Variants in PTCHD4 observed in about 807,000 individuals in gnomAD.
PTCHD4 encodes the protein patched domain containing 4.
Under a neutral mutation model 58.1 loss-of-function variants are expected in PTCHD4, and 33 were observed. The observed-to-expected ratio is 0.57, with a 90% confidence interval of 0.43 to 0.76. The LOEUF is 0.76. Ranked by LOEUF, PTCHD4 falls within the 30% of genes least tolerant of loss-of-function variation. The pLI is 0.00. For missense variants in PTCHD4, 1,058 were observed against 1,027.1 expected, an observed-to-expected ratio of 1.03 and a Z score of -0.41; for synonymous variants, 478 against 409.6, an observed-to-expected ratio of 1.17 and a Z score of -2.02.
At chr6:48,006,872 C>T (rs1372202078) in intron 4 of PTCHD4, among the ~76,000 whole-genome samples, 2 of 152,202 alleles carry the variant, frequency 1.3e-5, no homozygotes, top group Admixed American at 6.5e-5. Context: ...TATACTGTTA[C>T]ATTTTTCAAA....
At chr6:48,009,285 G>A (rs1328414933) in intron 3 of PTCHD4, among the ~76,000 whole-genome samples, 171 bp from the exon 4 acceptor site, 3 of 152,178 alleles carry the variant, frequency 2.0e-5, no homozygotes, top group Non-Finnish European at 4.4e-5. Flanking sequence ...GGAGCTACAT[G>A]GGATACCATG....
chr6:47,865,757 T>C lies in PTCHD4; in HGVS notation c.*12546A>G, dbSNP rs1763548801. Among the ~76,000 whole-genome samples, 1 of 151,778 alleles carries C rather than the reference T, an allele frequency of 6.6e-6. No homozygotes were observed. Among genetic ancestry groups the C allele is most frequent in the Non-Finnish European group, 1.5e-5 (1 of 67,852 alleles). On this transcript the variant is annotated 3_prime_UTR_variant, in exon 5 of 5. Transcript: ENST00000339488. Reference sequence around the variant, plus strand: ...CCAGTCTAACCTACACTTAGAACATTGCAGATTAATACTTCTAAATTTTGA... The same window carrying C: ...CCAGTCTAACCTACACTTAGAACATCGCAGATTAATACTTCTAAATTTTGA...
intron 1 of PTCHD4, among the ~76,000 whole-genome samples, chr6:48,104,229 C>T (rs1030741144): frequency 6.6e-6 from 1 of 152,192 alleles, no homozygotes; most frequent in South Asian, 2.1e-4. Flanking sequence ...CAAAGGGAAG[C>T]CCATCAGACT....
At chr6:48,079,228 G>A (rs756124877) in intron 1 of PTCHD4, among the ~76,000 whole-genome samples, 9 of 152,018 alleles carry the variant, frequency 5.9e-5, no homozygotes, top group Non-Finnish European at 1.3e-4. Flanking sequence ...TGTACCCAGA[G>A]AGAAACCTGC....
chr6:47,979,846 A>G (rs1397015372), intron 4 of PTCHD4, among the ~76,000 whole-genome samples: 1 of 152,082 alleles, frequency 6.6e-6, no homozygotes, highest in East Asian at 1.9e-4. Flanking sequence ...CTGCAAGTTC[A>G]TAAAATTGAC....
At chr6:48,005,508 C>A (rs868085215) in intron 4 of PTCHD4, among the ~76,000 whole-genome samples, 10 of 152,126 alleles carry the variant, frequency 6.6e-5, no homozygotes, top group African/African-American at 2.2e-4. Context: ...TCGTGTATAC[C>A]ACCAGCAGAT....
At chr6:48,048,324 G>C (rs185955224) in intron 3 of PTCHD4, among the ~76,000 whole-genome samples, 34 of 152,028 alleles carry the variant, frequency 2.2e-4, no homozygotes, top group Non-Finnish European at 4.1e-4. Context: ...AACTGCAATT[G>C]AGCAGGTGGT....
intron 1 of PTCHD4, among the ~76,000 whole-genome samples, chr6:48,090,056 T>C (rs1765335007): frequency 6.6e-6 from 1 of 152,234 alleles, no homozygotes; most frequent in Admixed American, 6.5e-5. Flanking sequence ...AGATGTAGAC[T>C]ATGCAATATA....
At chr6:47,981,672 C>G (rs1220925581) in intron 4 of PTCHD4, among the ~76,000 whole-genome samples, 1 of 152,122 alleles carries the variant, frequency 6.6e-6, no homozygotes, top group Non-Finnish European at 1.5e-5. Context: ...GTTTGCTGAA[C>G]CCTCAGGAGC....
intron 4 of PTCHD4, among the ~76,000 whole-genome samples, chr6:47,976,686 AT>A (rs1464421331): frequency 2.6e-4 from 40 of 151,030 alleles, no homozygotes; most frequent in Admixed American, 5.3e-4. Flanking sequence ...AAATAAATAA[AT>A]AAATAAATAA....
intron 3 of PTCHD4, among the ~76,000 whole-genome samples, chr6:48,063,191 C>T (rs1172909996): frequency 6.6e-6 from 1 of 152,024 alleles, no homozygotes; most frequent in Non-Finnish European, 1.5e-5. Context: ...AATCCTGGAG[C>T]CTTACCTTGG....
intron 4 of PTCHD4, among the ~76,000 whole-genome samples, chr6:47,960,813 A>G (rs926743830): frequency 4.6e-5 from 7 of 152,050 alleles, no homozygotes; most frequent in African/African-American, 1.7e-4. Context: ...AAAGAACTGC[A>G]AAGAGATAAA....
intron 3 of PTCHD4, among the ~76,000 whole-genome samples, chr6:48,049,582 G>A (rs955376581): frequency 1.3e-5 from 2 of 151,890 alleles, no homozygotes; most frequent in Non-Finnish European, 2.9e-5. Context: ...TTTTTGGAAT[G>A]AGCTCAAATC....
At chr6:48,058,499 T>C (rs1166179653) in intron 3 of PTCHD4, among the ~76,000 whole-genome samples, 1 of 151,868 alleles carries the variant, frequency 6.6e-6, no homozygotes, top group African/African-American at 2.4e-5. Flanking sequence ...GTTACAGATG[T>C]GGAAGAAAAT....
At chr6:47,941,243 G>A (rs78331025) in intron 4 of PTCHD4, among the ~76,000 whole-genome samples, 7,312 of 152,230 alleles carry the variant, frequency 0.048, 207 homozygotes, top group African/African-American at 0.063. Flanking sequence ...ACATACTTGT[G>A]TTCTTCCAGA....
chr6:47,972,400 A>G (rs567003803), intron 4 of PTCHD4, among the ~76,000 whole-genome samples: 2 of 152,292 alleles, frequency 1.3e-5, no homozygotes, highest in African/African-American at 4.8e-5. Flanking sequence ...AAGTATACCA[A>G]TTTCAAAATA....
chr6:48,110,519 G>C (rs1178317365), intron 1 of PTCHD4, among the ~76,000 whole-genome samples: 2 of 151,758 alleles, frequency 1.3e-5, no homozygotes, highest in African/African-American at 2.4e-5. Context: ...TTACAGAGTT[G>C]CAGTTATATA....
chr6:48,070,357 C>A (rs1764954738), intron 1 of PTCHD4, among the ~76,000 whole-genome samples: 1 of 152,090 alleles, frequency 6.6e-6, no homozygotes, highest in African/African-American at 2.4e-5. Flanking sequence ...TCTATGCATA[C>A]AAACAAGCTA....
intron 3 of PTCHD4, among the ~76,000 whole-genome samples, chr6:48,054,133 G>T (rs972805728): frequency 6.6e-6 from 1 of 152,002 alleles, no homozygotes; most frequent in Admixed American, 6.6e-5. Context: ...TGATTCAATC[G>T]ATCTTAAGAG....
Sources: gnomAD v4.1 joint callset for allele counts (sites outside exome capture counted in the v4.1 genomes callset) on GRCh38, gnomAD v4.1.1 for gene constraint, MANE v1.5 for transcripts, NCBI Gene and HGNC (gene_info 2026-07-23, HGNC 2026-07-21) for gene names.